The following ERBB4 variants were observed in gnomAD, a reference collection of about 807,000 sequenced individuals.
The protein encoded by ERBB4 is erb-b2 receptor tyrosine kinase 4.
A neutral mutation model predicts 158.0 loss-of-function variants in ERBB4; 42 were observed. The observed-to-expected ratio is 0.27, with a 90% CI of 0.21 to 0.34. The LOEUF (loss-of-function observed/expected upper bound fraction) is 0.34, where lower values mean the gene tolerates loss of function less well. ERBB4 is among the 10% of genes least tolerant of loss of function. The pLI is 1.00. For missense variants in ERBB4, 1,333 were observed against 1,624.1 expected, an observed-to-expected ratio of 0.82 and a Z score of 3.08; for synonymous variants, 583 against 558.7, an observed-to-expected ratio of 1.04 and a Z score of -0.61.
intron 3 of ERBB4, among the ~76,000 whole-genome samples, chr2:211,832,990 T>C (rs540961801): frequency 6.9e-4 from 105 of 152,028 alleles, no homozygotes; most frequent in Middle Eastern, 3.4e-3. Flanking sequence ...TGATCAAATA[T>C]TTTCTAGGTT....
chr2:211,447,034 T>C (rs1423019963), intron 20 of ERBB4, among the ~76,000 whole-genome samples: 1 of 152,118 alleles, frequency 6.6e-6, no homozygotes, highest in African/African-American at 2.4e-5. Context: ...TCACAAGTCA[T>C]GGTACCGAAT....
chr2:211,558,190 G>A (rs1428225715), intron 20 of ERBB4, among the ~76,000 whole-genome samples: 2 of 152,126 alleles, frequency 1.3e-5, no homozygotes, highest in Non-Finnish European at 2.9e-5. Flanking sequence ...GTTTCACCAG[G>A]CTATAAAATC....
intron 20 of ERBB4, among the ~76,000 whole-genome samples, chr2:211,536,787 T>A (rs566728740): frequency 4.3e-4 from 65 of 152,172 alleles, no homozygotes; most frequent in African/African-American, 1.5e-3. Context: ...CACTCTGAAT[T>A]CTTAGGACTC....
intron 20 of ERBB4, among the ~76,000 whole-genome samples, chr2:211,436,339 G>A (rs1021449050): frequency 6.6e-6 from 1 of 152,148 alleles, no homozygotes; most frequent in African/African-American, 2.4e-5. Context: ...AATGCAAGAT[G>A]GTAGAGTGGG....
At chr2:212,168,007 C>T (rs1377719950) in intron 1 of ERBB4, among the ~76,000 whole-genome samples, 4 of 151,046 alleles carry the variant, frequency 2.6e-5, no homozygotes, top group African/African-American at 4.9e-5. Flanking sequence ...CCATGGCACA[C>T]GTATACCTAT....
At chr2:211,934,352 T>C (rs1020648729) in intron 3 of ERBB4, among the ~76,000 whole-genome samples, 1 of 151,950 alleles carries the variant, frequency 6.6e-6, no homozygotes, top group Non-Finnish European at 1.5e-5. Flanking sequence ...AACTAGGGAG[T>C]AATTTTAGTT....
chr2:211,599,511 T>TTGTGTGTG (rs201810389), intron 19 of ERBB4, among the ~76,000 whole-genome samples: 2,899 of 20,830 alleles, frequency 0.14, 100 homozygotes, highest in African/African-American at 0.17. Flanking sequence ...AAATAATTTC[T>TTGTGTGTG]TCTGTGTGTG....
rs528137837 is a variant in ERBB4 at position 211,888,906 on chromosome 2, G to T, written c.421+58524C>A. ...CTGGCTCGGAGGGTCCTACGCCCAC[G>T]GAGTCTCACTGATTGCTAGCACAGC... On this transcript the variant is annotated intron_variant, in intron 3 of 27. Coordinates refer to ENST00000342788, the MANE Select transcript of ERBB4 (RefSeq NM_005235.3). Among the ~76,000 whole-genome samples, 585 of 151,708 alleles carry T rather than the reference G, an allele frequency of 3.9e-3. 17 individuals carry two copies. Among genetic ancestry groups the T allele is most frequent in the Admixed American group, 0.035 (538 of 15,264 alleles).
In ERBB4 at chr2:211,619,224, T is replaced by C; in HGVS notation, c.2254A>G (p.Ile752Val). ...TTGGGACCAGTTGTCTCATTAAGAA[T>C]CTTAATAGCCACAGGAATCTTCACA... ...ETVKIPVAIK[I>V]LNETTGPKAN... The change falls in exon 19 of 28, where the codon ATT becomes GTT. Residue 752 changes from isoleucine to valine, a missense_variant. Coordinates refer to ENST00000342788, the MANE Select transcript of ERBB4 (RefSeq NM_005235.3). 1 of 1,612,836 alleles carries C rather than the reference T, an allele frequency of 6.2e-7. No homozygotes were observed. The highest frequency in any genetic ancestry group is 8.5e-7 in the Non-Finnish European group (1 of 1,179,064).
chr2:211,696,066 C>T (rs1306386028), intron 12 of ERBB4, among the ~76,000 whole-genome samples: 2 of 126,292 alleles, frequency 1.6e-5, no homozygotes, highest in Non-Finnish European at 3.3e-5. Flanking sequence ...TCCCTCCCTC[C>T]CTCCTTCCTT....
intron 19 of ERBB4, among the ~76,000 whole-genome samples, chr2:211,580,395 AT>A (rs2068031453): frequency 1.3e-5 from 2 of 152,170 alleles, no homozygotes; most frequent in African/African-American, 4.8e-5. Flanking sequence ...ATATGAAAAA[AT>A]GCTCAACATC....
At chr2:212,046,431 T>G (rs1035475087) in intron 2 of ERBB4, among the ~76,000 whole-genome samples, 1 of 152,198 alleles carries the variant, frequency 6.6e-6, no homozygotes, top group African/African-American at 2.4e-5. Context: ...AGTATTTTGC[T>G]GTTTATAAGT....
intron 3 of ERBB4, among the ~76,000 whole-genome samples, chr2:211,793,449 A>T (rs1199312064): frequency 6.6e-6 from 1 of 151,950 alleles, no homozygotes; most frequent in Non-Finnish European, 1.5e-5. Context: ...GCGCATTTAA[A>T]TAATGCATAT....
chr2:211,485,646 A>G lies in ERBB4; in HGVS notation c.2488-54546T>C, dbSNP rs536298195. Among the ~76,000 whole-genome samples, 200 of 148,712 alleles carry G rather than the reference A, an allele frequency of 1.3e-3. 1 individual carries two copies. The highest frequency in any genetic ancestry group is 1.8e-3 in the Non-Finnish European group (121 of 67,388). On this transcript the variant is annotated intron_variant, in intron 20 of 27. Coordinates refer to ENST00000342788, the MANE Select transcript of ERBB4 (RefSeq NM_005235.3). ...TCTTGTCTCCTAATTCAAACAGCAA[A>G]TTCTTTAAAGGGATTATGCTTTGTC...
intron 4 of ERBB4, chr2:211,779,153 T>C (rs1446379768): frequency 6.6e-6 from 1 of 152,230 alleles, no homozygotes; most frequent in Non-Finnish European, 1.5e-5. Flanking sequence ...GCACCTCTAC[T>C]ACCATAATTA....
chr2:211,434,333 CT>C, intron 20 of ERBB4, among the ~76,000 whole-genome samples: 1 of 152,010 alleles, frequency 6.6e-6, no homozygotes, highest in Non-Finnish European at 1.5e-5. Context: ...GAGGTGGGGT[CT>C]TTGAAAAGTG....
chr2:211,619,914 T>C (rs2069534376), intron 18 of ERBB4, among the ~76,000 whole-genome samples: 1 of 152,194 alleles, frequency 6.6e-6, no homozygotes, highest in Admixed American at 6.5e-5. Context: ...GAAGGAATTT[T>C]ATTATCTCTG....
intron 2 of ERBB4, among the ~76,000 whole-genome samples, chr2:212,116,679 T>G (rs1327036641): frequency 6.6e-6 from 1 of 152,188 alleles, no homozygotes; most frequent in Non-Finnish European, 1.5e-5. Flanking sequence ...CAAGCAATCC[T>G]CCTACCTCAG....
At position 211,377,734 on chromosome 2, in the gene ERBB4, C is replaced by A. The variant is rs1425445598; in HGVS notation, c.*5881G>T. On this transcript the variant is annotated 3_prime_UTR_variant, in exon 28 of 28. Coordinates refer to ENST00000342788, the MANE Select transcript of ERBB4 (RefSeq NM_005235.3). The stretch of plus-strand genomic sequence containing the variant: ...GTTAATTTACTGGCAAAAATAACTT[C>A]TTGGTTATATGTACAGCTTTTATGT... 4.3e-6 allele frequency: 1 copy of A among 232,278 alleles called. No homozygotes were observed. Among genetic ancestry groups the A allele is most frequent in the African/African-American group, 2.2e-5 (1 of 45,276 alleles). 14.4% of individuals were successfully genotyped at this position (232,278 alleles called of 1,614,324 possible). A position where few individuals can be genotyped will look rare whatever the true frequency, so the allele number is the denominator to read the frequency against.
Sources: allele counts gnomAD v4.1 joint callset (sites outside exome capture counted in the v4.1 genomes callset), GRCh38; gene constraint gnomAD v4.1.1; transcripts MANE v1.5; gene names NCBI Gene and HGNC (gene_info 2026-07-23, HGNC 2026-07-21).